Variants in MYBBP1A observed in about 807,000 individuals in gnomAD.
The protein encoded by MYBBP1A is myb-binding protein 1A.
A neutral mutation model predicts 136.3 loss-of-function variants in MYBBP1A; 147 were observed. That is an observed-to-expected ratio of 1.08 (90% CI 0.94 to 1.24). The LOEUF (loss-of-function observed/expected upper bound fraction) is 1.24. Ranked by LOEUF, MYBBP1A falls within the 50% of genes most tolerant of loss-of-function variation. MYBBP1A has a pLI of 0.00. For synonymous variants in MYBBP1A, 947 were observed against 735.8 expected, an observed-to-expected ratio of 1.29 and a Z score of -4.65; for missense variants, 2,060 against 1,727.4, an observed-to-expected ratio of 1.19 and a Z score of -3.41.
chr17:4,544,641 C>G lies in MYBBP1A; in HGVS notation c.2487G>C (p.Leu829=), dbSNP rs1244393664. The G allele has an allele frequency of 7.0e-6, 11 of 1,577,834 alleles. No individual in the cohort carries two copies. The highest frequency in any genetic ancestry group is 9.5e-6 in the Non-Finnish European group (11 of 1,161,676). The change falls in exon 19 of 26, where the codon CTG becomes CTC. Residue 829 remains leucine (L), a synonymous_variant. Coordinates refer to ENST00000254718, the MANE Select transcript of MYBBP1A (RefSeq NM_014520.4). ...TGGTCACTAGCACCTCCACCAGGTC[C>G]AGCACCTGCAGCCAGGAGGGCAGGT... The part of the protein sequence containing the change: ...ALRRDFQIRV[L]DLVEVLVTKQ...
In MYBBP1A at chr17:4,538,909, T is replaced by G. The variant is rs776490578; in HGVS notation, c.*506A>C. On this transcript the variant is annotated 3_prime_UTR_variant, in exon 26 of 26. Coordinates refer to ENST00000254718, the MANE Select transcript of MYBBP1A (RefSeq NM_014520.4). The stretch of plus-strand genomic sequence containing the variant: ...ACAAGAACCAGGTCCGAGTGTTGCC[T>G]CCTCTTCCTTCCGGAAGCCAAACTG... 6 of 781,550 alleles carry G rather than the reference T, an allele frequency of 7.7e-6. No individual in the cohort carries two copies. The highest frequency in any genetic ancestry group is 4.8e-5 in the East Asian group (2 of 41,246). The allele number at this position is 781,550 out of a possible 1,614,324, so 48.4% of individuals were successfully genotyped here.
chr17:4,545,529 G>C (rs139089039), intron 15 of MYBBP1A, 81 bp downstream of exon 15: 1 of 1,521,568 alleles, frequency 6.6e-7, no homozygotes, highest in Non-Finnish European at 8.8e-7. Context: ...AGGGAGGCTG[G>C]AGGCTGAAGC....
rs138548404 is a variant in MYBBP1A, at chr17:4,542,518, GCT to G, written c.3031_3032del (p.Ser1011ProfsTer37). ...LFSRHPVLCQ[S>X]LLPILVQHIT... ...TATGCTGGACCAGGATGGGGAGCAG[GCT>G]CTGACAGAGCACCTGGTGGGGAGTG... On this transcript the variant is annotated frameshift_variant, in exon 22 of 26. Transcript: ENST00000254718. LOFTEE classifies it high-confidence loss of function. 3.4e-5 allele frequency: 55 copies of G among 1,612,568 alleles called. No individual in the cohort carries two copies. Among genetic ancestry groups the G allele is most frequent in the Non-Finnish European group, 4.7e-5 (55 of 1,179,048 alleles).
At chr17:4,549,797 A>T (rs1907341859) in intron 9 of MYBBP1A, among the ~76,000 whole-genome samples, 1 of 151,342 alleles carries the variant, frequency 6.6e-6, no homozygotes, top group Admixed American at 6.6e-5. Flanking sequence ...AAAAAAAAAA[A>T]AAAAAAAAAA....
At position 4,548,153 on chromosome 17, in the gene MYBBP1A, C is replaced by A; in HGVS notation, c.1714G>T (p.Ala572Ser). The A allele has an allele frequency of 2.5e-6, 4 of 1,605,046 alleles. No homozygotes were observed. Among genetic ancestry groups the A allele is most frequent in the Non-Finnish European group, 3.4e-6 (4 of 1,179,960 alleles). ...ATCCCACGTGCTCACCGGTCCCAGG[C>A]CTGGCGCTGCTGCGCAGTGAAGGGT... ...VTPFTAQQRQAWDRMLQTLKE... is the reference protein window; with the variant it reads ...VTPFTAQQRQSWDRMLQTLKE... Residue 572 changes from alanine (A) to serine (S), a missense_variant, in exon 12 of 26, where the codon GCC becomes TCC. By Grantham distance (99) the Ala-to-Ser change is moderately conservative (BLOSUM62 1). Transcript: ENST00000254718. The surrounding 1 kb of genome is among the most constrained non-coding windows in gnomAD (Gnocchi z 4.2).
Position 4,552,602 on chromosome 17 carries a change from T to C in MYBBP1A, c.586A>G (p.Ile196Val). ...SEVSKATLQE[I>V]LPEVLKADLN... ...TCGGCTTTGAGGACCTCCGGCAGGA[T>C]CTCCTGCAATGTGGCCTTCGAGACC... Residue 196 changes from isoleucine to valine, a missense_variant, in exon 6 of 26, where the codon ATC becomes GTC. Physicochemically the swap from Ile to Val is conservative, Grantham distance 29 (BLOSUM62 3). Transcript: ENST00000254718. This position sits in a 1 kb window ranked among gnomAD's most constrained non-coding sequence, Gnocchi z 4.7. The C allele has an allele frequency of 3.1e-6, 5 of 1,613,570 alleles. No individual in the cohort carries two copies. Among genetic ancestry groups the C allele is most frequent in the Non-Finnish European group, 4.2e-6 (5 of 1,179,886 alleles).
At chr17:4,553,969 C>T (rs1371438937) in intron 4 of MYBBP1A, 50 bp downstream of exon 4, 5 of 1,613,598 alleles carry the variant, frequency 3.1e-6, no homozygotes, top group South Asian at 1.1e-5. Context: ...GACTGTCCCC[C>T]ACCCATCCCA....
In MYBBP1A at chr17:4,553,879, C is replaced by G; in HGVS notation, c.492G>C (p.Gln164His). Reference protein sequence around the residue: ...EALMKSVKLLQALAQYQNHLQ... With the variant: ...EALMKSVKLLHALAQYQNHLQ... Reference sequence around the variant, plus strand: ...AGTGGTTTTGGTACTGGGCCAGGGCCTGCAGCAGCTTCACCGACTTCATCA... The same window carrying G: ...AGTGGTTTTGGTACTGGGCCAGGGCGTGCAGCAGCTTCACCGACTTCATCA... The change falls in exon 5 of 26, where the codon CAG becomes CAC. Residue 164 changes from glutamine to histidine, a missense_variant. Coordinates refer to ENST00000254718, the MANE Select transcript of MYBBP1A (RefSeq NM_014520.4). 6.2e-7 allele frequency: 1 copy of G among 1,614,072 alleles called. No homozygotes were observed. Among genetic ancestry groups the G allele is most frequent in the Non-Finnish European group, 8.5e-7 (1 of 1,180,018 alleles).
chr17:4,554,086 A>G lies in MYBBP1A; in HGVS notation c.386T>C (p.Leu129Pro). ...YDLHQVKKAM[L>P]RPALFANLFG... ...CAGGTTTGCAAAGAGAGCAGGTCTCAGCATTGCCTAGAAAAGGATTCCAGG... is the reference window on the plus strand; with the variant it reads ...CAGGTTTGCAAAGAGAGCAGGTCTCGGCATTGCCTAGAAAAGGATTCCAGG... The change falls in exon 4 of 26, where the codon CTG (leucine) becomes CCG (proline). Residue 129 changes from leucine (L) to proline (P), a missense_variant. Physicochemically the swap from Leu to Pro is moderately conservative, Grantham distance 98 (BLOSUM62 -3). Coordinates refer to ENST00000254718, the MANE Select transcript of MYBBP1A (RefSeq NM_014520.4). 1 of 1,614,070 alleles carries G rather than the reference A, an allele frequency of 6.2e-7. No individual in the cohort carries two copies. Among genetic ancestry groups the G allele is most frequent in the Non-Finnish European group, 8.5e-7 (1 of 1,180,034 alleles).
intron 3 of MYBBP1A, 37 bp downstream of exon 3, chr17:4,554,158 C>T: frequency 2.5e-6 from 4 of 1,612,490 alleles, no homozygotes; most frequent in Non-Finnish European, 3.4e-6. Flanking sequence ...AAGCCTCCCA[C>T]CCCTGGGGCT....
In MYBBP1A at chr17:4,545,084, T is replaced by A; in HGVS notation, c.2252A>T (p.Asp751Val). ...EESEEEERDG[D>V]VDQGFREQLM... is the part of the protein sequence containing the mutation. ...CTGTTCCCGGAAGCCCTGATCCACGTCCCCGTCGCGCTCCTCCTCCTCGCT... is the reference window on the plus strand; with the variant it reads ...CTGTTCCCGGAAGCCCTGATCCACGACCCCGTCGCGCTCCTCCTCCTCGCT... The change falls in exon 17 of 26, where the codon GAC (aspartate) becomes GTC (valine). Residue 751 changes from aspartate to valine, a missense_variant. Transcript: ENST00000254718. 5.1e-6 allele frequency: 8 copies of A among 1,576,302 alleles called. No homozygotes were observed. The South Asian group carries it at 8.0e-5, about 16-fold the overall frequency.
chr17:4,542,062 G>T, intron 22 of MYBBP1A, 171 bp from the exon 23 acceptor site: 1 of 608,364 alleles, frequency 1.6e-6, no homozygotes. Flanking sequence ...GTGCAGGTGG[G>T]GACACCAAGG....
intron 22 of MYBBP1A, 138 bp from the exon 23 acceptor site, chr17:4,542,029 A>C (rs1906483635): frequency 3.1e-6 from 2 of 650,138 alleles, no homozygotes; most frequent in South Asian, 3.7e-5. Flanking sequence ...GGGCTCTGTG[A>C]CTACCTGCTC....
At chr17:4,540,181 T>C (rs548398637) in intron 25 of MYBBP1A, among the ~76,000 whole-genome samples, 167 bp downstream of exon 25, 1 of 149,150 alleles carries the variant, frequency 6.7e-6, no homozygotes, top group Admixed American at 6.7e-5. Context: ...CCTGTGAGGG[T>C]CCTACAGCTC....
In MYBBP1A at chr17:4,539,275, G is replaced by A. The variant is rs1906104414; in HGVS notation, c.*140C>T. 1 of 1,491,306 alleles carries A rather than the reference G, an allele frequency of 6.7e-7. No individual in the cohort carries two copies. Among genetic ancestry groups the A allele is most frequent in the Admixed American group, 2.3e-5 (1 of 43,018 alleles). The allele number at this position is 1,491,306 out of a possible 1,614,324, so 92.4% of individuals were successfully genotyped here. ...GTGCTTGCCAGAGCAGGATGCCCGG[G>A]CAGGCGGCAACAGCCACCCTCCCCA... On this transcript the variant is annotated 3_prime_UTR_variant, in exon 26 of 26. Transcript: ENST00000254718.
At chr17:4,555,044 GC>G (rs538392408) in intron 1 of MYBBP1A, 82 bp downstream of exon 1, 2 of 1,584,774 alleles carry the variant, frequency 1.3e-6, no homozygotes, top group South Asian at 1.1e-5. Context: ...GCGACCACGT[GC>G]CCCCAGTCTC....
In MYBBP1A at chr17:4,542,446, A is replaced by G. The variant is rs774632191; in HGVS notation, c.3087+18T>C. On this transcript the variant is annotated intron_variant, in intron 22 of 25. Coordinates refer to ENST00000254718, the MANE Select transcript of MYBBP1A (RefSeq NM_014520.4). ...TAATTCAGACAGGCCCTGGGCTGGG[A>G]GCTGGGAAGTCTCTCACCTGATGAC... The G allele has an allele frequency of 6.3e-7, 1 of 1,597,808 alleles. No individual in the cohort carries two copies. The highest frequency in any genetic ancestry group is 8.5e-7 in the Non-Finnish European group (1 of 1,170,670).
Position 4,545,902 on chromosome 17 carries a change from G to T in MYBBP1A, c.1865C>A (p.Thr622Asn), listed in dbSNP as rs200619847. 6.2e-7 allele frequency: 1 copy of T among 1,613,392 alleles called. No homozygotes were observed. Among genetic ancestry groups the T allele is most frequent in the African/African-American group, 1.3e-5 (1 of 75,046 alleles). The change falls in exon 14 of 26, where the codon ACC (threonine) becomes AAC (asparagine). Residue 622 changes from threonine to asparagine, a missense_variant. Transcript: ENST00000254718. ...ESCDLLGDIQ[T>N]CIRKSLGEKP... is the part of the protein sequence containing the mutation. ...CTCTCCCAGACTTTTCCTGATGCAG[G>T]TCTGGATGTCACCCAGCAGGTCACA...
rs762733540 is a variant in MYBBP1A, at chr17:4,539,980, G to A, written c.3435-13C>T. On this transcript the variant is annotated splice_polypyrimidine_tract_variant and intron_variant, in intron 25 of 25. Coordinates refer to ENST00000254718, the MANE Select transcript of MYBBP1A (RefSeq NM_014520.4). ...CAACTTGGGGCGCCTGAAGGGAAGTGAGCAAGGTTAGAAGGTGCCCATCGA... is the reference window on the plus strand; with the variant it reads ...CAACTTGGGGCGCCTGAAGGGAAGTAAGCAAGGTTAGAAGGTGCCCATCGA... 16 of 1,596,796 alleles carry A rather than the reference G, an allele frequency of 1.0e-5. No homozygotes were observed. Among genetic ancestry groups the A allele is most frequent in the Non-Finnish European group, 1.1e-5 (13 of 1,178,626 alleles).
Sources: allele counts gnomAD v4.1 joint callset (sites outside exome capture counted in the v4.1 genomes callset), GRCh38; gene constraint gnomAD v4.1.1; non-coding constraint Gnocchi (gnomAD v3.1); transcripts MANE v1.5; gene names NCBI Gene and HGNC (gene_info 2026-07-23, HGNC 2026-07-21).